CELF4: variants seen among roughly 807,000 people sequenced by gnomAD.
CELF4 encodes CUG-BP- and ETR-3-like factor 4.
A neutral mutation model predicts 59.9 loss-of-function variants in CELF4; 18 were observed. That is an observed-to-expected ratio of 0.30 (90% CI 0.21 to 0.45). CELF4 has a LOEUF of 0.45. Among genes scored for constraint, CELF4 ranks in the 20% least tolerant of loss-of-function variants. The pLI, the probability that CELF4 is intolerant of heterozygous loss-of-function variation, is 1.00. For missense variants in CELF4, 456 were observed against 689.0 expected (o/e 0.66, Z 3.79); for synonymous variants, 261 against 267.1 (o/e 0.98, Z 0.22).
intron 2 of CELF4, among the ~76,000 whole-genome samples, chr18:37,482,021 T>G (rs551446192): frequency 1.3e-5 from 2 of 152,374 alleles, no homozygotes; most frequent in South Asian, 2.1e-4. Flanking sequence ...AGTAAGCACT[T>G]AAAAATACTG....
chr18:37,390,256 A>G (rs1484651163), intron 2 of CELF4, among the ~76,000 whole-genome samples: 1 of 151,614 alleles, frequency 6.6e-6, no homozygotes, highest in Non-Finnish European at 1.5e-5. Context: ...CAGTTTCTCC[A>G]CTTGATTCTT....
Position 37,366,198 on chromosome 18 carries a change from G to A in CELF4, c.370-44317C>T, listed in dbSNP as rs374001623. Among the ~76,000 whole-genome samples the A allele has an allele frequency of 2.3e-4, 35 of 152,272 alleles. 1 individual carries two copies. In the South Asian group the frequency reaches 6.6e-3, roughly 29 times the overall value. On this transcript the variant is annotated intron_variant, in intron 2 of 12. Transcript: ENST00000420428. ...CTGCTTCCCCAAACCAGATCTCGAG[G>A]CACTCAACAGGGTAGGGCTGGGGCT...
chr18:37,544,928 C>T (rs2099980373), intron 1 of CELF4, among the ~76,000 whole-genome samples: 1 of 152,132 alleles, frequency 6.6e-6, no homozygotes, highest in Non-Finnish European at 1.5e-5. Context: ...CCTGGGGCTC[C>T]AGGGACAGGC....
chr18:37,423,712 G>C (rs113343950), intron 2 of CELF4, among the ~76,000 whole-genome samples: 1 of 152,210 alleles, frequency 6.6e-6, no homozygotes, highest in African/African-American at 2.4e-5. Context: ...TCATCCCTAA[G>C]CCCTCTAGGA....
chr18:37,555,554 G>A (rs1279937230), intron 1 of CELF4, among the ~76,000 whole-genome samples: 1 of 152,138 alleles, frequency 6.6e-6, no homozygotes, highest in Non-Finnish European at 1.5e-5. Context: ...TTTTACATGG[G>A]CATAATTTCC....
chr18:37,313,563 T>A (rs1367828349), intron 3 of CELF4, among the ~76,000 whole-genome samples: 1 of 152,086 alleles, frequency 6.6e-6, no homozygotes, highest in East Asian at 1.9e-4. Context: ...AAGTCAGCAG[T>A]TGTGGCTAGG....
At chr18:37,560,166 T>C (rs1383206335) in intron 1 of CELF4, among the ~76,000 whole-genome samples, 1 of 152,214 alleles carries the variant, frequency 6.6e-6, no homozygotes. Context: ...CATCTCCCTG[T>C]TGAATTGCAC....
intron 2 of CELF4, among the ~76,000 whole-genome samples, chr18:37,377,185 G>A (rs2098980733): frequency 1.3e-5 from 2 of 152,222 alleles, no homozygotes; most frequent in Non-Finnish European, 2.9e-5. Context: ...AAGGCATCCT[G>A]AGATGCAGGA....
In CELF4 at chr18:37,497,464, C is replaced by T. The variant is rs555656112; in HGVS notation, c.287-11857G>A. Among the ~76,000 whole-genome samples, 529 of 152,090 alleles carry T rather than the reference C, an allele frequency of 3.5e-3. 1 individual carries two copies. Among genetic ancestry groups the T allele is most frequent in the African/African-American group, 0.012 (508 of 41,474 alleles). ...GTCAGGAGTTCAAGACCAGCCTGAC[C>T]AATATGGTGAAACCCCATCTCTACT... On this transcript the variant is annotated intron_variant, in intron 1 of 12. Transcript: ENST00000420428.
chr18:37,271,817 A>T lies in CELF4; in HGVS notation c.950-900T>A, dbSNP rs557251023. 3.9e-5 allele frequency among the ~76,000 whole-genome samples: 6 copies of T among 152,286 alleles called. No homozygotes were observed. The South Asian group carries it at 1.2e-3, about 32-fold the overall frequency. On this transcript the variant is annotated intron_variant, in intron 7 of 12. Coordinates refer to ENST00000420428, the MANE Select transcript of CELF4 (RefSeq NM_020180.4). ...AGTAGTGGTCATGATGGTGAGAATA[A>T]AGTTGGGGTCAAATGACAATACCCT...
intron 1 of CELF4, among the ~76,000 whole-genome samples, chr18:37,531,489 G>C (rs1361008945): frequency 6.6e-6 from 1 of 152,182 alleles, no homozygotes; most frequent in South Asian, 2.1e-4. Context: ...TATCCACTCC[G>C]TGTGGCTAAC....
chr18:37,333,346 C>T (rs1246700314), intron 2 of CELF4, among the ~76,000 whole-genome samples: 3 of 151,336 alleles, frequency 2.0e-5, no homozygotes, highest in African/African-American at 4.8e-5. Context: ...CCTCCTCTCC[C>T]CCCTCTCCCT....
chr18:37,429,708 C>T (rs1465314474), intron 2 of CELF4, among the ~76,000 whole-genome samples: 2 of 152,170 alleles, frequency 1.3e-5, no homozygotes, highest in East Asian at 3.9e-4. Context: ...TAACCCACTC[C>T]ATTTAAAAAA....
chr18:37,444,982 G>C (rs2099744261), intron 2 of CELF4, among the ~76,000 whole-genome samples: 1 of 152,182 alleles, frequency 6.6e-6, no homozygotes, highest in African/African-American at 2.4e-5. Context: ...CACACAGCCT[G>C]CCAGCTTCAG....
chr18:37,425,455 C>T lies in CELF4; in HGVS notation c.369+60070G>A, dbSNP rs76626231. On this transcript the variant is annotated intron_variant, in intron 2 of 12. Coordinates refer to ENST00000420428, the MANE Select transcript of CELF4 (RefSeq NM_020180.4). ...GAGGCAGCTGCTGCAGGAAGCCCTC[C>T]TGGCTCCCAGATTGCCTCCTAACTG... is the stretch of plus-strand genomic sequence containing the variant. Among the ~76,000 whole-genome samples, 39 of 152,358 alleles carry T rather than the reference C, an allele frequency of 2.6e-4. No homozygotes were observed. In the East Asian group the frequency reaches 4.2e-3, roughly 17 times the overall value.
At chr18:37,323,184 G>A (rs892990820) in intron 2 of CELF4, among the ~76,000 whole-genome samples, 2 of 151,954 alleles carry the variant, frequency 1.3e-5, no homozygotes, top group Admixed American at 6.6e-5. Flanking sequence ...AGCCGTGGCC[G>A]GGAAGGACAG....
At chr18:37,338,758 C>CTGTGTGTG (rs2097870788) in intron 2 of CELF4, among the ~76,000 whole-genome samples, 3 of 37,976 alleles carry the variant, frequency 7.9e-5, no homozygotes, top group Non-Finnish European at 1.8e-4. Flanking sequence ...AATGCAGGAG[C>CTGTGTGTG]CGTGTGTGTG....
At chr18:37,281,889 C>G (rs569565245) in intron 3 of CELF4, among the ~76,000 whole-genome samples, 2 of 152,168 alleles carry the variant, frequency 1.3e-5, no homozygotes, top group African/African-American at 4.8e-5. Context: ...GACATGCCCC[C>G]CTCTCTAACT....
chr18:37,392,787 C>G (rs1275341169), intron 2 of CELF4, among the ~76,000 whole-genome samples: 1 of 152,228 alleles, frequency 6.6e-6, no homozygotes, highest in African/African-American at 2.4e-5. Flanking sequence ...TCCCTCAGGT[C>G]TCAGCTCAAA....
Sources: gnomAD v4.1 joint callset for allele counts (sites outside exome capture counted in the v4.1 genomes callset) on GRCh38, gnomAD v4.1.1 for gene constraint, MANE v1.5 for transcripts, NCBI Gene and HGNC (gene_info 2026-07-23, HGNC 2026-07-21) for gene names.